TPD52L1: variants seen among roughly 807,000 people sequenced by gnomAD.
TPD52L1 encodes tumor protein D53.
Under a neutral mutation model 28.7 loss-of-function variants are expected in TPD52L1, and 18 were observed. The ratio of observed to expected loss-of-function variants is 0.63; its 90% confidence interval spans 0.43 to 0.93. The LOEUF (loss-of-function observed/expected upper bound fraction) is 0.93. Ranked by LOEUF, TPD52L1 falls within the 40% of genes least tolerant of loss-of-function variation. TPD52L1 has a pLI of 0.00. For missense variants in TPD52L1, 203 were observed against 254.8 expected, an observed-to-expected ratio of 0.80 and a Z score of 1.39; for synonymous variants, 75 against 88.8, an observed-to-expected ratio of 0.84 and a Z score of 0.88.
chr6:125,208,033 G>T (rs1794262034), intron 1 of TPD52L1, among the ~76,000 whole-genome samples: 1 of 152,218 alleles, frequency 6.6e-6, no homozygotes, highest in African/African-American at 2.4e-5. Flanking sequence ...CTTCGAGAAA[G>T]TTCCTGCAGT....
chr6:125,157,875 G>A (rs1042025111), intron 1 of TPD52L1, among the ~76,000 whole-genome samples: 25 of 152,258 alleles, frequency 1.6e-4, no homozygotes, highest in African/African-American at 5.1e-4. Context: ...ATTGTTTGGC[G>A]GTTAGAATTC....
chr6:125,226,127 T>C lies in TPD52L1; in HGVS notation c.136-2991T>C, dbSNP rs371191663. Among the ~76,000 whole-genome samples, 10 of 152,338 alleles carry C rather than the reference T, an allele frequency of 6.6e-5. No individual in the cohort carries two copies. The South Asian group carries it at 1.0e-3, about 16-fold the overall frequency. The stretch of plus-strand genomic sequence containing the variant: ...TGTCTGTCTTTCCAACTTTTGCGAT[T>C]AGTTTTTGGCATATATTTAGATCTC... On this transcript the variant is annotated intron_variant, in intron 2 of 6. Coordinates refer to ENST00000534000, the MANE Select transcript of TPD52L1 (RefSeq NM_003287.4).
intron 1 of TPD52L1, among the ~76,000 whole-genome samples, chr6:125,198,141 G>A (rs1398362126): frequency 2.0e-5 from 3 of 152,160 alleles, no homozygotes; most frequent in Admixed American, 6.5e-5. Context: ...AGAAGGAGCC[G>A]AAGCTCTGTC....
Position 125,153,893 on chromosome 6 carries a change from C to T in TPD52L1, c.-59C>T, listed in dbSNP as rs898073980. 4 of 1,563,596 alleles carry T rather than the reference C, an allele frequency of 2.6e-6. No homozygotes were observed. The South Asian group carries it at 4.7e-5, about 18-fold the overall frequency. On this transcript the variant is annotated 5_prime_UTR_variant, in exon 1 of 7. Transcript: ENST00000534000. ...TGCGTTCTGAGCCTGGGCGCAGCTG[C>T]CATCTGCTCTGGGAAGCACCAGGGT...
chr6:125,215,397 A>G (rs912319666), intron 1 of TPD52L1, among the ~76,000 whole-genome samples: 2 of 152,226 alleles, frequency 1.3e-5, no homozygotes, highest in Admixed American at 6.5e-5. Context: ...TAAAAATAGC[A>G]GATCTTGTTT....
intron 1 of TPD52L1, among the ~76,000 whole-genome samples, chr6:125,166,392 C>T (rs1250549786): frequency 1.3e-5 from 2 of 152,116 alleles, no homozygotes; most frequent in East Asian, 3.9e-4. Flanking sequence ...TAGGTCAGCC[C>T]TGGGAAGAAG....
At chr6:125,183,250 G>C (rs1792339383) in intron 1 of TPD52L1, among the ~76,000 whole-genome samples, 1 of 152,132 alleles carries the variant, frequency 6.6e-6, no homozygotes, top group South Asian at 2.1e-4. Context: ...AGCCGAGGTG[G>C]GTGGATCACT....
chr6:125,238,221 G>A (rs1796395461), intron 3 of TPD52L1, among the ~76,000 whole-genome samples: 1 of 152,126 alleles, frequency 6.6e-6, no homozygotes, highest in South Asian at 2.1e-4. Context: ...AGAATTCTTA[G>A]CACATGACAT....
intron 3 of TPD52L1, among the ~76,000 whole-genome samples, chr6:125,231,938 G>A (rs769935207): frequency 2.0e-5 from 3 of 152,184 alleles, no homozygotes; most frequent in Non-Finnish European, 4.4e-5. Flanking sequence ...GACAGCATCT[G>A]ACACTTTGTA....
chr6:125,178,056 T>A (rs1272605534), intron 1 of TPD52L1, among the ~76,000 whole-genome samples: 1 of 152,210 alleles, frequency 6.6e-6, no homozygotes, highest in Non-Finnish European at 1.5e-5. Flanking sequence ...AAATTAAACA[T>A]TTAAAATTAT....
chr6:125,184,499 C>A (rs1176934207), intron 1 of TPD52L1, among the ~76,000 whole-genome samples: 1 of 152,198 alleles, frequency 6.6e-6, no homozygotes, highest in African/African-American at 2.4e-5. Context: ...TCCAAAGAGG[C>A]CAGCTTCCAG....
chr6:125,163,358 G>A (rs1450721069), intron 1 of TPD52L1, among the ~76,000 whole-genome samples: 1 of 152,084 alleles, frequency 6.6e-6, no homozygotes, highest in Admixed American at 6.6e-5. Context: ...AAGACGGGAG[G>A]ATCACTTGAG....
intron 3 of TPD52L1, among the ~76,000 whole-genome samples, chr6:125,245,102 C>A (rs1331990820): frequency 1.3e-5 from 2 of 152,168 alleles, no homozygotes; most frequent in African/African-American, 4.8e-5. Context: ...GCTGTGGATA[C>A]CAGTACTTGC....
intron 1 of TPD52L1, among the ~76,000 whole-genome samples, chr6:125,195,773 A>G (rs771075569): frequency 5.9e-5 from 9 of 152,190 alleles, no homozygotes; most frequent in Non-Finnish European, 1.2e-4. Flanking sequence ...GCACTGACCC[A>G]TCTTAGAGAG....
chr6:125,172,512 C>A (rs76236536), intron 1 of TPD52L1, among the ~76,000 whole-genome samples: 540 of 16,330 alleles, frequency 0.033, 19 homozygotes, highest in East Asian at 0.19. Context: ...CTCTTTCATG[C>A]TATATATATA....
rs56135453 is a variant in TPD52L1, at chr6:125,216,529, G to GTATA, written c.20-3509_20-3506dup. On this transcript the variant is annotated intron_variant, in intron 1 of 6. Transcript: ENST00000534000. ...GCAACAGTAAATTCAGTATGTGTGT[G>GTATA]TATATATATATATATATATATATAT... 4.5e-3 allele frequency among the ~76,000 whole-genome samples: 312 copies of GTATA among 68,898 alleles called. 2 individuals carry two copies. Among genetic ancestry groups the GTATA allele is most frequent in the Middle Eastern group, 0.021 (2 of 94 alleles). The allele number at this position is 68,898 out of a possible 152,430, so 45.2% of individuals were successfully genotyped here.
chr6:125,209,010 A>C (rs2114924755), intron 1 of TPD52L1: 6 of 914,382 alleles, frequency 6.6e-6, no homozygotes, highest in Non-Finnish European at 6.5e-6. Flanking sequence ...TCAAAATCTT[A>C]TCTCTACCAT....
At position 125,229,371 on chromosome 6, in the gene TPD52L1, A is replaced by G. The variant is rs1582974502; in HGVS notation, c.284+105A>G. 16 of 1,164,234 alleles carry G rather than the reference A, an allele frequency of 1.4e-5. No homozygotes were observed. In the East Asian group the frequency reaches 4.4e-4, roughly 32 times the overall value. The allele number at this position is 1,164,234 out of a possible 1,614,324, so 72.1% of individuals were successfully genotyped here. On this transcript the variant is annotated intron_variant, in intron 3 of 6. Coordinates refer to ENST00000534000, the MANE Select transcript of TPD52L1 (RefSeq NM_003287.4). The stretch of plus-strand genomic sequence containing the variant: ...CAAGGCTGATTTGGTGCATGAAGCT[A>G]GGAAAAAAAAATACTTTCTCTAAAA...
intron 1 of TPD52L1, 146 bp from the exon 2 acceptor site, chr6:125,219,932 A>G (rs911247014): frequency 9.9e-6 from 7 of 703,820 alleles, no homozygotes; most frequent in African/African-American, 8.8e-5. Context: ...TCACACATTT[A>G]GGAGGATTTT....
Sources: allele counts gnomAD v4.1 joint callset (sites outside exome capture counted in the v4.1 genomes callset), GRCh38; gene constraint gnomAD v4.1.1; transcripts MANE v1.5; gene names NCBI Gene and HGNC (gene_info 2026-07-23, HGNC 2026-07-21).